Variants in GLE1 observed in about 807,000 individuals in gnomAD.
GLE1 encodes the protein GLE1 RNA export mediator.
In GLE1, 78 loss-of-function variants were observed where a neutral mutation model predicts 97.3. The observed-to-expected ratio is 0.80, with a 90% CI of 0.67 to 0.97. GLE1 has a LOEUF of 0.97. Ranked by LOEUF, GLE1 falls within the 50% of genes least tolerant of loss-of-function variation. The pLI is 0.00. For missense variants in GLE1, 753 were observed against 857.5 expected (o/e 0.88, Z 1.52); for synonymous variants, 302 against 313.4 (o/e 0.96, Z 0.39).
chr9:128,538,265 C>T (rs1847781267), intron 13 of GLE1, among the ~76,000 whole-genome samples, 175 bp downstream of exon 13: 1 of 152,182 alleles, frequency 6.6e-6, no homozygotes, highest in African/African-American at 2.4e-5. Flanking sequence ...CACTTTTACT[C>T]CATACTATAT....
rs201347017 is a variant in GLE1, at chr9:128,523,862, G to A, written c.897+16G>A. The A allele has an allele frequency of 1.6e-3, 2,586 of 1,613,604 alleles. 3 individuals are homozygous for A. The highest frequency in any genetic ancestry group is 2.4e-3 in the Admixed American group (143 of 60,002). ...CTCTTCAGAGGTGAGGGGGGCTTCAGAGTGACTCTTTGCTGTCTTTGAAAT... is the reference window on the plus strand; with the variant it reads ...CTCTTCAGAGGTGAGGGGGGCTTCAAAGTGACTCTTTGCTGTCTTTGAAAT... On this transcript the variant is annotated intron_variant, in intron 6 of 15. Coordinates refer to ENST00000309971, the MANE Select transcript of GLE1 (RefSeq NM_001003722.2).
intron 11 of GLE1, among the ~76,000 whole-genome samples, chr9:128,535,922 G>A (rs1363492706): frequency 6.6e-6 from 1 of 151,716 alleles, no homozygotes; most frequent in African/African-American, 2.4e-5. Flanking sequence ...TTTGCAGTGA[G>A]CCTTGATCAT....
intron 9 of GLE1, chr9:128,532,520 A>G (rs561131639): frequency 6.4e-6 from 1 of 157,152 alleles, no homozygotes; most frequent in South Asian, 2.0e-4. Context: ...AGCAAAAAAA[A>G]AAAAGCATTT....
chr9:128,519,695 A>G (rs779524841), intron 3 of GLE1, among the ~76,000 whole-genome samples: 1 of 152,006 alleles, frequency 6.6e-6, no homozygotes, highest in African/African-American at 2.4e-5. Flanking sequence ...CCCTGCCTCC[A>G]TTTGCCTTGT....
At chr9:128,518,856 A>G (rs1163228160) in intron 3 of GLE1, among the ~76,000 whole-genome samples, 1 of 149,912 alleles carries the variant, frequency 6.7e-6, no homozygotes, top group East Asian at 2.0e-4. Context: ...CGACAGAGCG[A>G]GACTCCAAAA....
chr9:128,527,368 A>T (rs1847332716), intron 8 of GLE1, 77 bp downstream of exon 8: 1 of 1,274,544 alleles, frequency 7.8e-7, no homozygotes, highest in Non-Finnish European at 1.1e-6. Flanking sequence ...TCCCAAAGGA[A>T]TGTAGCTGGC....
chr9:128,523,917 G>T (rs1014346565), intron 6 of GLE1, 71 bp downstream of exon 6: 7 of 1,474,362 alleles, frequency 4.7e-6, no homozygotes, highest in South Asian at 1.2e-5. Flanking sequence ...ACTGTTTTCT[G>T]ACTTAAAAAG....
intron 7 of GLE1, 83 bp downstream of exon 7, chr9:128,525,506 T>A: frequency 1.1e-6 from 1 of 928,868 alleles, no homozygotes; most frequent in Non-Finnish European, 1.7e-6. Flanking sequence ...AATGTTGTGT[T>A]AAACTGTAGG....
intron 6 of GLE1, among the ~76,000 whole-genome samples, chr9:128,524,540 CTTTTTTT>C (rs71381767): frequency 2.0e-4 from 8 of 39,620 alleles, no homozygotes; most frequent in African/African-American, 5.6e-4. Context: ...CTTTGCTTTG[CTTTTTTT>C]TTTTTTTTTT....
At chr9:128,506,745 A>C (rs757740040) in intron 1 of GLE1, among the ~76,000 whole-genome samples, 3 of 152,210 alleles carry the variant, frequency 2.0e-5, no homozygotes, top group Non-Finnish European at 2.9e-5. Context: ...ACATTTATGT[A>C]CTGTCTATTT....
chr9:128,517,595 A>G (rs1847024558), intron 3 of GLE1, among the ~76,000 whole-genome samples: 1 of 152,188 alleles, frequency 6.6e-6, no homozygotes, highest in Non-Finnish European at 1.5e-5. Context: ...TTTTAATTCA[A>G]AGATTTATTT....
At chr9:128,516,523 G>T (rs1846991964) in intron 3 of GLE1, among the ~76,000 whole-genome samples, 1 of 151,386 alleles carries the variant, frequency 6.6e-6, no homozygotes, top group African/African-American at 2.4e-5. Flanking sequence ...GTTTTGCCGT[G>T]TTAGCCAGGA....
chr9:128,530,750 A>G (rs560228196), intron 9 of GLE1, among the ~76,000 whole-genome samples: 9 of 151,934 alleles, frequency 5.9e-5, no homozygotes, highest in Non-Finnish European at 1.2e-4. Context: ...TCTACTAAAA[A>G]TACAAAAAAT....
intron 2 of GLE1, among the ~76,000 whole-genome samples, chr9:128,514,679 A>C (rs2132426869): frequency 6.6e-6 from 1 of 152,056 alleles, no homozygotes; most frequent in South Asian, 2.1e-4. Flanking sequence ...TGTTTAGTAG[A>C]GACAGGGTTT....
chr9:128,530,908 CAA>C (rs1389989317), intron 9 of GLE1, among the ~76,000 whole-genome samples: 8 of 101,252 alleles, frequency 7.9e-5, no homozygotes, highest in Non-Finnish European at 1.2e-4. Flanking sequence ...GATTCCGTCT[CAA>C]AAAAAAAAAA....
Position 128,523,690 on chromosome 9 carries a change from C to A in GLE1, c.741C>A (p.Ala247=), listed in dbSNP as rs1243009818. ...RKEEGQIRLR[A]LYALQEEMLQ... ...AAGAAGGCCAGATCCGCCTGCGGGC[C>A]CTCTATGCTCTGCAGGAGGAGATGC... Residue 247 remains alanine (A), a synonymous_variant, in exon 6 of 16, where the codon GCC becomes GCA. Transcript: ENST00000309971. The A allele has an allele frequency of 1.3e-5, 21 of 1,613,934 alleles. No individual in the cohort carries two copies. Among genetic ancestry groups the A allele is most frequent in the Non-Finnish European group, 1.7e-5 (20 of 1,180,004 alleles).
chr9:128,518,666 G>A (rs1157319813), intron 3 of GLE1, among the ~76,000 whole-genome samples: 3 of 151,946 alleles, frequency 2.0e-5, no homozygotes, highest in African/African-American at 7.3e-5. Context: ...TCGGGAGTTC[G>A]AGACCAGCCT....
At chr9:128,536,736 T>G in intron 12 of GLE1, 1 of 420,690 alleles carries the variant, frequency 2.4e-6, no homozygotes, top group Admixed American at 3.5e-5. Flanking sequence ...AATCAGTCAT[T>G]AAGGTTAGAA....
At chr9:128,526,872 G>C (rs899775304) in intron 7 of GLE1, among the ~76,000 whole-genome samples, 1 of 152,104 alleles carries the variant, frequency 6.6e-6, no homozygotes, top group African/African-American at 2.4e-5. Flanking sequence ...ATTTCACCAT[G>C]TTGTGCAAGC....
Sources: allele counts gnomAD v4.1 joint callset (sites outside exome capture counted in the v4.1 genomes callset), GRCh38; gene constraint gnomAD v4.1.1; transcripts MANE v1.5; gene names NCBI Gene and HGNC (gene_info 2026-07-23, HGNC 2026-07-21).